ASPM: variants seen among roughly 807,000 people sequenced by gnomAD.
ASPM encodes the protein assembly factor for spindle microtubules.
Under a neutral mutation model 366.4 loss-of-function variants are expected in ASPM, and 256 were observed. That is an observed-to-expected ratio of 0.70 (90% CI 0.63 to 0.77). The LOEUF is 0.77. Among genes scored for constraint, ASPM ranks in the 30% least tolerant of loss-of-function variants. The probability of loss-of-function intolerance (pLI) is 0.00; values close to 1 mark genes in which losing one functional copy is unlikely to be tolerated. For synonymous variants in ASPM, 1,414 were observed against 1,342.9 expected, an observed-to-expected ratio of 1.05 and a Z score of -1.16; for missense variants, 4,146 against 4,090.4, an observed-to-expected ratio of 1.01 and a Z score of -0.37.
chr1:197,090,810 A>G, intron 23 of ASPM, 40 bp downstream of exon 23: 1 of 1,571,390 alleles, frequency 6.4e-7, no homozygotes, highest in South Asian at 1.1e-5. Flanking sequence ...ATGAATTGCA[A>G]ACTAAAGTTT....
chr1:197,142,277 A>C lies in ASPM; in HGVS notation c.1921+54T>G, dbSNP rs112644387. ...TCAATAGCAGATTTACTAAACCAAA[A>C]GGAAGTATCCCCTTTACAGGTATAC... On this transcript the variant is annotated intron_variant, in intron 3 of 27. Transcript: ENST00000367409. 6.1e-4 allele frequency: 946 copies of C among 1,561,756 alleles called. 10 individuals are homozygous for C. In the East Asian group the frequency reaches 0.018, roughly 30 times the overall value.
chr1:197,143,888 T>C, intron 2 of ASPM, 69 bp downstream of exon 2: 1 of 1,548,998 alleles, frequency 6.5e-7, no homozygotes, highest in Non-Finnish European at 8.9e-7. Flanking sequence ...TCAAGCCTGT[T>C]ATCAAAATAA....
intron 27 of ASPM, among the ~76,000 whole-genome samples, chr1:197,086,095 T>C (rs1162444743): frequency 2.0e-5 from 3 of 152,162 alleles, no homozygotes; most frequent in African/African-American, 7.2e-5. Context: ...AACCAATTTA[T>C]AACTACATTA....
Position 197,103,081 on chromosome 1 carries a change from T to G in ASPM, c.6170A>C (p.Tyr2057Ser), listed in dbSNP as rs761858697. Residue 2057 changes from tyrosine (Y) to serine (S), a missense_variant, in exon 18 of 28, where the codon TAC becomes TCC. Physicochemically the swap from Tyr to Ser is moderately radical, Grantham distance 144. Transcript: ENST00000367409. The part of the protein sequence containing the change: ...AVTIQSKYRA[Y>S]KTKKKYATYR... ...GGTTGCATATTTCTTTTTGGTTTTGTAAGCTCTGTATTTAGACTGTATAGT... is the reference window on the plus strand; with the variant it reads ...GGTTGCATATTTCTTTTTGGTTTTGGAAGCTCTGTATTTAGACTGTATAGT... 1.2e-6 allele frequency: 2 copies of G among 1,612,796 alleles called. No homozygotes were observed. Among genetic ancestry groups the G allele is most frequent in the East Asian group, 4.5e-5 (2 of 44,826 alleles).
At position 197,094,088 on chromosome 1, in the gene ASPM, A is replaced by C. The variant is rs1299357228; in HGVS notation, c.9080T>G (p.Ile3027Arg). The change falls in exon 20 of 28, where the codon ATA becomes AGA. Residue 3027 changes from isoleucine (I) to arginine (R), a missense_variant. By Grantham distance (97) the Ile-to-Arg change is moderately conservative. Around this residue, in one of 3 missense-constraint regions of ASPM, gnomAD observed 3,624 missense variants for 3,591.7 expected, o/e 1.01. Coordinates refer to ENST00000367409, the MANE Select transcript of ASPM (RefSeq NM_018136.5). ...GAATTAATTTTTAATACCTACTTTT[A>C]TCATTAAGAAGTGTTCATGAGCTAT... Reference protein sequence around the residue: ...AKIAHEHFLMIKRHRAACLIQ... With the variant: ...AKIAHEHFLMRKRHRAACLIQ... The C allele has an allele frequency of 6.4e-7, 1 of 1,560,082 alleles. No homozygotes were observed. Among genetic ancestry groups the C allele is most frequent in the Non-Finnish European group, 8.8e-7 (1 of 1,139,702 alleles).
Position 197,121,775 on chromosome 1 carries a change from C to T in ASPM, c.3870+140G>A, listed in dbSNP as rs1657909961. The T allele has an allele frequency of 1.3e-5, 14 of 1,091,754 alleles. 1 individual carries two copies. Among genetic ancestry groups the T allele is most frequent in the Non-Finnish European group, 1.7e-5 (13 of 751,126 alleles). The allele number at this position is 1,091,754 out of a possible 1,614,324, so 67.6% of individuals were successfully genotyped here. A position where few individuals can be genotyped will look rare whatever the true frequency, so the allele number is the denominator to read the frequency against. ...GGAGAAATACTCATACCTCCCCAAC[C>T]CAAAATACATATACACAATTACTAA... is the stretch of plus-strand genomic sequence containing the variant. On this transcript the variant is annotated intron_variant, in intron 16 of 27. Transcript: ENST00000367409.
Position 197,084,129 on chromosome 1 carries a change from A to G in ASPM, c.*195T>C. 3.6e-6 allele frequency: 2 copies of G among 563,270 alleles called. No homozygotes were observed. Among genetic ancestry groups the G allele is most frequent in the Non-Finnish European group, 6.3e-6 (2 of 319,896 alleles). The allele number at this position is 563,270 out of a possible 1,614,324, so 34.9% of individuals were successfully genotyped here. The stretch of plus-strand genomic sequence containing the variant: ...GATAATAGACAGGAATAATATAATC[A>G]TCTTATGACATATTAGTTTATTACA... On this transcript the variant is annotated 3_prime_UTR_variant, in exon 28 of 28. Coordinates refer to ENST00000367409, the MANE Select transcript of ASPM (RefSeq NM_018136.5).
At chr1:197,087,892 A>C (rs1656648602) in intron 26 of ASPM, among the ~76,000 whole-genome samples, 1 of 152,190 alleles carries the variant, frequency 6.6e-6, no homozygotes, top group Non-Finnish European at 1.5e-5. Flanking sequence ...TATGACACTT[A>C]AAAAGAATGA....
In ASPM at chr1:197,101,557, C is replaced by A. The variant is rs144999603; in HGVS notation, c.7694G>T (p.Arg2565Ile). The A allele has an allele frequency of 1.3e-5, 21 of 1,609,494 alleles. No homozygotes were observed. The highest frequency in any genetic ancestry group is 2.2e-5 in the East Asian group (1 of 44,800). ...GTAGAAACAATACTGCCTATACATT[C>A]TGTAGGTGCTTTGTATTACGATAGA... is the stretch of plus-strand genomic sequence containing the variant. ...KASIVIQSTYRMYRQYCFYQK... is the reference protein window; with the variant it reads ...KASIVIQSTYIMYRQYCFYQK... Residue 2565 changes from arginine (R) to isoleucine (I), a missense_variant, in exon 18 of 28, where the codon AGA (arginine) becomes ATA (isoleucine). Around this residue, in one of 3 missense-constraint regions of ASPM, gnomAD observed 3,624 missense variants for 3,591.7 expected, o/e 1.01. Coordinates refer to ENST00000367409, the MANE Select transcript of ASPM (RefSeq NM_018136.5).
chr1:197,122,106 T>C, intron 15 of ASPM, 53 bp downstream of exon 15: 2 of 1,599,882 alleles, frequency 1.3e-6, no homozygotes, highest in Non-Finnish European at 1.7e-6. Flanking sequence ...CTTACTATCA[T>C]CTTCTGAGAC....
In ASPM at chr1:197,092,051, T is replaced by G. The variant is rs760753324; in HGVS notation, c.9300A>C (p.Leu3100Phe). ...VRGWLVRKRF[L>F]EQRAKIRLLH... ...GAAGTCGAATTTTGGCTCTCTGTTC[T>G]AAAAACTAAAGGTGAAAAAACAAAG... The change falls in exon 22 of 28, where the codon TTA becomes TTC. Residue 3100 changes from leucine (L) to phenylalanine (F), a missense_variant. This residue lies in a region of ASPM where 3,624 missense variants were observed against 3,591.7 expected (regional missense o/e 1.01). Transcript: ENST00000367409. 1 of 1,611,442 alleles carries G rather than the reference T, an allele frequency of 6.2e-7. No individual in the cohort carries two copies. Among genetic ancestry groups the G allele is most frequent in the Non-Finnish European group, 8.5e-7 (1 of 1,178,410 alleles).
At chr1:197,133,764 C>A (rs1658338684) in intron 5 of ASPM, among the ~76,000 whole-genome samples, 169 bp from the exon 6 acceptor site, 2 of 152,162 alleles carry the variant, frequency 1.3e-5, no homozygotes, top group South Asian at 4.1e-4. Context: ...GCTCTACCTG[C>A]AAAATGTATT....
At chr1:197,139,708 C>T in intron 4 of ASPM, 59 bp downstream of exon 4, 5 of 1,250,700 alleles carry the variant, frequency 4.0e-6, no homozygotes, top group Non-Finnish European at 5.9e-6. Context: ...ATGTGAAATG[C>T]AATTAATGCT....
intron 25 of ASPM, among the ~76,000 whole-genome samples, chr1:197,088,933 C>T (rs1247080935): frequency 6.6e-6 from 1 of 151,868 alleles, no homozygotes; most frequent in Non-Finnish European, 1.5e-5. Context: ...ATTTTCCACG[C>T]CTCATTTTTC....
intron 17 of ASPM, among the ~76,000 whole-genome samples, chr1:197,109,155 A>C (rs1557950056): frequency 6.6e-6 from 1 of 151,204 alleles, no homozygotes; most frequent in Non-Finnish European, 1.5e-5. Flanking sequence ...TTTCCACTCT[A>C]AGATAGTATC....
chr1:197,100,485 T>A lies in ASPM; in HGVS notation c.8766A>T (p.Gly2922=). The part of the protein sequence containing the change: ...SVIIIQARSK[G]FIQKRKFQEI... ...CCTGAAACTTCCGTTTCTGTATAAA[T>A]CCTTTACTTCTAGCTTGAATAATGA... Residue 2922 remains glycine, a synonymous_variant, in exon 18 of 28, where the codon GGA becomes GGT. Coordinates refer to ENST00000367409, the MANE Select transcript of ASPM (RefSeq NM_018136.5). 6.2e-7 allele frequency: 1 copy of A among 1,602,530 alleles called. No individual in the cohort carries two copies. Among genetic ancestry groups the A allele is most frequent in the East Asian group, 2.2e-5 (1 of 44,602 alleles).
At position 197,135,119 on chromosome 1, in the gene ASPM, G is replaced by A. The variant is rs1658377030; in HGVS notation, c.2150C>T (p.Thr717Ile). The A allele has an allele frequency of 6.2e-7, 1 of 1,601,350 alleles. No individual in the cohort carries two copies. The highest frequency in any genetic ancestry group is 8.6e-7 in the Non-Finnish European group (1 of 1,168,778). Reference sequence around the variant, plus strand: ...ACCTTCAGAAATATTTGTTTTTACAGTGAAGTCATCAGGGGTTAATATAAA... The same window carrying A: ...ACCTTCAGAAATATTTGTTTTTACAATGAAGTCATCAGGGGTTAATATAAA... Reference protein sequence around the residue: ...LNFILTPDDFTVKTNISEVNA... With the variant: ...LNFILTPDDFIVKTNISEVNA... The change falls in exon 5 of 28, where the codon ACT becomes ATT. Residue 717 changes from threonine (T) to isoleucine (I), a missense_variant. By Grantham distance (89) the Thr-to-Ile change is moderately conservative. Around this residue, in one of 3 missense-constraint regions of ASPM, gnomAD observed 3,624 missense variants for 3,591.7 expected, o/e 1.01. Coordinates refer to ENST00000367409, the MANE Select transcript of ASPM (RefSeq NM_018136.5).
intron 9 of ASPM, 58 bp downstream of exon 9, chr1:197,129,129 G>C: frequency 6.4e-7 from 1 of 1,568,530 alleles, no homozygotes; most frequent in Non-Finnish European, 8.7e-7. Context: ...TACCATGAAA[G>C]CAAGCAAAAG....
At chr1:197,140,133 A>G (rs1052681603) in intron 3 of ASPM, among the ~76,000 whole-genome samples, 12 of 152,256 alleles carry the variant, frequency 7.9e-5, no homozygotes, top group African/African-American at 2.9e-4. Context: ...TTGTGTCTGT[A>G]TATTCCAGAC....
Sources: allele counts gnomAD v4.1 joint callset (sites outside exome capture counted in the v4.1 genomes callset), GRCh38; gene constraint gnomAD v4.1.1; regional missense constraint gnomAD v4.1.1; transcripts MANE v1.5; gene names NCBI Gene and HGNC (gene_info 2026-07-23, HGNC 2026-07-21).